CCDC149: variants seen among roughly 807,000 people sequenced by gnomAD.
The protein encoded by CCDC149 is coiled-coil domain-containing protein 149.
A neutral mutation model predicts 59.9 loss-of-function variants in CCDC149; 45 were observed. The ratio of observed to expected loss-of-function variants is 0.75; its 90% CI spans 0.59 to 0.96. CCDC149 has a LOEUF of 0.96. Among genes scored for constraint, CCDC149 ranks in the 40% least tolerant of loss-of-function variants. The pLI is 0.00. For missense variants in CCDC149, 584 were observed against 664.7 expected (o/e 0.88, Z 1.33); for synonymous variants, 245 against 260.6 (o/e 0.94, Z 0.58).
intron 1 of CCDC149, among the ~76,000 whole-genome samples, chr4:24,880,972 G>T (rs1047703416): frequency 5.3e-5 from 8 of 152,212 alleles, no homozygotes; most frequent in African/African-American, 1.9e-4. Flanking sequence ...TGTAAAAAGT[G>T]CAGGAGAAAG....
At chr4:24,920,829 A>G (rs1039281669) in intron 1 of CCDC149, among the ~76,000 whole-genome samples, 32 of 152,244 alleles carry the variant, frequency 2.1e-4, no homozygotes, top group African/African-American at 7.5e-4. Context: ...TTAGGCCTCA[A>G]TACCTGTATT....
chr4:24,960,188 A>G lies in CCDC149; in HGVS notation c.-65+19881T>C, dbSNP rs116426940. ...CGTAAGGTGATATAATGTCACTTGAAGATAGCTTGTATAAGTCAACCATAT... is the reference window on the plus strand; with the variant it reads ...CGTAAGGTGATATAATGTCACTTGAGGATAGCTTGTATAAGTCAACCATAT... On this transcript the variant is annotated intron_variant, in intron 1 of 12. Coordinates refer to the CCDC149 transcript ENST00000389609. Among the ~76,000 whole-genome samples, 969 of 152,308 alleles carry G rather than the reference A, an allele frequency of 6.4e-3. 7 individuals carry two copies. The highest frequency in any genetic ancestry group is 9.8e-3 in the Non-Finnish European group (669 of 68,008).
At chr4:24,975,866 C>T (rs1204266190) in intron 1 of CCDC149, among the ~76,000 whole-genome samples, 1 of 151,898 alleles carries the variant, frequency 6.6e-6, no homozygotes. Flanking sequence ...TCAGGCCCAT[C>T]ATTTAACTCA....
intron 3 of CCDC149, among the ~76,000 whole-genome samples, chr4:24,859,626 G>A (rs879302848): frequency 6.6e-6 from 1 of 152,088 alleles, no homozygotes; most frequent in Non-Finnish European, 1.5e-5. Context: ...GAAATAAAAG[G>A]CATCCAAATC....
At chr4:24,924,264 T>A (rs1402103017) in intron 1 of CCDC149, among the ~76,000 whole-genome samples, 9 of 146,966 alleles carry the variant, frequency 6.1e-5, no homozygotes, top group Non-Finnish European at 9.0e-5. Flanking sequence ...AAAAAAAGGA[T>A]CTTGGAAGTC....
intron 1 of CCDC149, among the ~76,000 whole-genome samples, chr4:24,976,558 C>T (rs1020590673): frequency 3.1e-4 from 47 of 152,180 alleles, no homozygotes; most frequent in African/African-American, 1.1e-3. Context: ...ACCAAAAATA[C>T]AAAAATTAGC....
rs1714279385 is a variant in CCDC149, at chr4:24,807,498, T to G, written c.*891A>C. 1 of 152,216 alleles carries G rather than the reference T, an allele frequency of 6.6e-6. No individual in the cohort carries two copies. Among genetic ancestry groups the G allele is most frequent in the African/African-American group, 2.4e-5 (1 of 41,440 alleles). 9.4% of individuals were successfully genotyped at this position (152,216 alleles called of 1,614,324 possible). ...TTCCAGGTGGTGCAGGAAACTAGAC[T>G]GGCTCCCAGCAGGTAGATCTTTCCC... On this transcript the variant is annotated 3_prime_UTR_variant, in exon 13 of 13. Transcript: ENST00000635206.
At chr4:24,923,207 G>A (rs1407835812) in intron 1 of CCDC149, among the ~76,000 whole-genome samples, 5 of 152,158 alleles carry the variant, frequency 3.3e-5, no homozygotes, top group Admixed American at 3.3e-4. Context: ...CACAGGGACA[G>A]GTTAATATTT....
intron 3 of CCDC149, among the ~76,000 whole-genome samples, chr4:24,863,105 C>T (rs1167554926): frequency 1.3e-5 from 2 of 152,050 alleles, no homozygotes; most frequent in Non-Finnish European, 2.9e-5. Flanking sequence ...CCAGCCTGAC[C>T]AACATGGCAA....
chr4:24,869,698 T>C (rs1166784747), intron 3 of CCDC149, among the ~76,000 whole-genome samples: 2 of 152,202 alleles, frequency 1.3e-5, no homozygotes, highest in African/African-American at 4.8e-5. Flanking sequence ...CCAGGCACCA[T>C]ACTGAGGCCT....
chr4:24,910,594 C>T lies in CCDC149; in HGVS notation c.63+2223G>A, dbSNP rs73807039. The stretch of plus-strand genomic sequence containing the variant: ...CTAAGAAACACCAAGCCATTTGCTG[C>T]GGACTCAAAGTTGAATCAGACATGG... On this transcript the variant is annotated intron_variant, in intron 1 of 12. Coordinates refer to ENST00000635206, the MANE Select transcript of CCDC149 (RefSeq NM_001330643.2). Among the ~76,000 whole-genome samples, 1,256 of 152,260 alleles carry T rather than the reference C, an allele frequency of 8.2e-3. 15 individuals carry two copies. The highest frequency in any genetic ancestry group is 0.029 in the African/African-American group (1,188 of 41,546).
chr4:24,852,330 ACT>A (rs1717718959), intron 4 of CCDC149, among the ~76,000 whole-genome samples: 2 of 147,376 alleles, frequency 1.4e-5, no homozygotes, highest in Non-Finnish European at 1.5e-5. Flanking sequence ...ACACACACAC[ACT>A]ATAGTCTTCT....
At chr4:24,874,248 TTTTTTTTTTTTG>T (rs1480384587) in intron 2 of CCDC149, among the ~76,000 whole-genome samples, 3 of 88,618 alleles carry the variant, frequency 3.4e-5, no homozygotes, top group Admixed American at 1.3e-4. Flanking sequence ...AGATTTGTTT[TTTTTTTTTTTTG>T]TTTTGTTTTT....
intron 1 of CCDC149, among the ~76,000 whole-genome samples, chr4:24,963,500 C>G (rs1053204050): frequency 2.6e-5 from 4 of 152,178 alleles, no homozygotes; most frequent in African/African-American, 9.7e-5. Context: ...CCTCACCCAA[C>G]ATAAACAAGG....
At chr4:24,923,707 G>A (rs538204157) in intron 1 of CCDC149, among the ~76,000 whole-genome samples, 1 of 152,298 alleles carries the variant, frequency 6.6e-6, no homozygotes, top group East Asian at 1.9e-4. Flanking sequence ...CTGGAGGGAG[G>A]AGCAGAGCCT....
At chr4:24,954,318 G>A (rs544226475) in intron 1 of CCDC149, among the ~76,000 whole-genome samples, 2 of 152,232 alleles carry the variant, frequency 1.3e-5, no homozygotes, top group East Asian at 3.9e-4. Flanking sequence ...GCTGCATGCT[G>A]GTGGTTCTAC....
At chr4:24,969,271 T>C (rs1298058098) in intron 1 of CCDC149, among the ~76,000 whole-genome samples, 1 of 152,134 alleles carries the variant, frequency 6.6e-6, no homozygotes, top group East Asian at 1.9e-4. Context: ...GTCACAAGGG[T>C]ATATGCATGC....
chr4:24,865,567 T>C (rs1214839205), intron 3 of CCDC149, among the ~76,000 whole-genome samples: 2 of 152,342 alleles, frequency 1.3e-5, no homozygotes, highest in African/African-American at 4.8e-5. Context: ...TACATATTTT[T>C]TGGCTGTGCA....
At chr4:24,925,286 G>T (rs1295005787) in intron 1 of CCDC149, among the ~76,000 whole-genome samples, 1 of 152,122 alleles carries the variant, frequency 6.6e-6, no homozygotes, top group African/African-American at 2.4e-5. Flanking sequence ...TACTCTTTGG[G>T]AGTTTTTCTT....
Sources: allele counts gnomAD v4.1 joint callset (sites outside exome capture counted in the v4.1 genomes callset), GRCh38; gene constraint gnomAD v4.1.1; transcripts MANE v1.5; gene names NCBI Gene and HGNC (gene_info 2026-07-23, HGNC 2026-07-21).